The following ZFYVE28 variants were observed in gnomAD, a reference collection of about 807,000 sequenced individuals.
ZFYVE28 encodes zinc finger FYVE-type containing 28, also known as lateral signaling target protein 2 homolog.
Under a neutral mutation model 82.1 loss-of-function variants are expected in ZFYVE28, and 40 were observed. The ratio of observed to expected loss-of-function variants is 0.49; its 90% CI spans 0.38 to 0.63. ZFYVE28 has a LOEUF of 0.63. ZFYVE28 is among the 30% of genes least tolerant of loss of function. The probability of loss-of-function intolerance (pLI) is 0.00; values close to 1 mark genes in which losing one functional copy is unlikely to be tolerated. For synonymous variants in ZFYVE28, 612 were observed against 546.1 expected, an observed-to-expected ratio of 1.12 and a Z score of -1.68; for missense variants, 1,321 against 1,242.1, an observed-to-expected ratio of 1.06 and a Z score of -0.96.
chr4:2,363,584 C>T (rs1204278285), intron 1 of ZFYVE28, among the ~76,000 whole-genome samples: 4 of 152,140 alleles, frequency 2.6e-5, no homozygotes, highest in Admixed American at 6.5e-5. Flanking sequence ...GCAGCCTTCC[C>T]GACACTGGGG....
Position 2,418,115 on chromosome 4 carries a change from G to C in ZFYVE28, c.39+170C>G, listed in dbSNP as rs1481379948. On this transcript the variant is annotated intron_variant, in intron 1 of 12. Coordinates refer to ENST00000290974, the MANE Select transcript of ZFYVE28 (RefSeq NM_020972.3). The surrounding 1 kb of genome is among the most constrained non-coding windows in gnomAD (Gnocchi z 4.6). ...AGGTTCGGATCCGCCTCAGAGACAG[G>C]GCGATGAAGATCTGTCCAAGTCTTG... 6.6e-6 allele frequency among the ~76,000 whole-genome samples: 1 copy of C among 152,068 alleles called. No homozygotes were observed. The highest frequency in any genetic ancestry group is 1.5e-5 in the Non-Finnish European group (1 of 67,988).
intron 8 of ZFYVE28, among the ~76,000 whole-genome samples, chr4:2,303,064 A>T (rs1284383307): frequency 2.6e-5 from 4 of 152,192 alleles, no homozygotes; most frequent in African/African-American, 9.6e-5. Context: ...ATGGAAAGTG[A>T]CTGAGGCTCC....
chr4:2,317,375 G>A (rs916897672), intron 7 of ZFYVE28, among the ~76,000 whole-genome samples: 1 of 152,122 alleles, frequency 6.6e-6, no homozygotes, highest in Non-Finnish European at 1.5e-5. Context: ...CCACCAGAGG[G>A]GACTACCCCT....
In ZFYVE28 at chr4:2,333,581, C is replaced by T. The variant is rs545758592; in HGVS notation, c.701+2124G>A. Among the ~76,000 whole-genome samples, 3 of 152,166 alleles carry T rather than the reference C, an allele frequency of 2.0e-5. No individual in the cohort carries two copies. In the East Asian group the frequency reaches 5.8e-4, roughly 29 times the overall value. The stretch of plus-strand genomic sequence containing the variant: ...GGTCACCTGCACACTCCAGGCCCGA[C>T]CTTTAAGAGGAAGTCCAGCCAGGGC... On this transcript the variant is annotated intron_variant, in intron 6 of 12. Transcript: ENST00000290974.
chr4:2,384,308 T>C (rs969997755), intron 1 of ZFYVE28, among the ~76,000 whole-genome samples: 2 of 152,024 alleles, frequency 1.3e-5, no homozygotes, highest in Non-Finnish European at 1.5e-5. Context: ...TGTAGGAAAG[T>C]GTGAAAGCTT....
chr4:2,279,200 G>T (rs901642309), intron 8 of ZFYVE28, among the ~76,000 whole-genome samples: 1 of 152,234 alleles, frequency 6.6e-6, no homozygotes, highest in Non-Finnish European at 1.5e-5. Context: ...GGGAGGCCGA[G>T]GCGAGAGGAT....
At chr4:2,271,847 C>CAA in intron 10 of ZFYVE28, 68 bp from the exon 11 acceptor site, 1 of 1,422,202 alleles carries the variant, frequency 7.0e-7, no homozygotes, top group Non-Finnish European at 9.9e-7. Flanking sequence ...GTCACCTGCA[C>CAA]TTGCTGGGCA....
intron 1 of ZFYVE28, among the ~76,000 whole-genome samples, chr4:2,356,980 C>A (rs191071278): frequency 6.6e-6 from 1 of 152,284 alleles, no homozygotes; most frequent in Non-Finnish European, 1.5e-5. Flanking sequence ...GCAACCTCCA[C>A]CTCCCAGGCT....
chr4:2,350,555 T>C (rs1357900335), intron 2 of ZFYVE28, among the ~76,000 whole-genome samples: 1 of 152,154 alleles, frequency 6.6e-6, no homozygotes, highest in Non-Finnish European at 1.5e-5. Context: ...CTAAAAAGCC[T>C]TGGACTCTCC....
At chr4:2,317,956 C>A (rs1055761631) in intron 7 of ZFYVE28, among the ~76,000 whole-genome samples, 9 of 152,314 alleles carry the variant, frequency 5.9e-5, no homozygotes, top group African/African-American at 1.9e-4. Flanking sequence ...TGTTCCTAAG[C>A]ACCTGGAAAC....
rs1191152857 is a variant in ZFYVE28, at chr4:2,271,711, C to G, written c.2392G>C (p.Glu798Gln). The G allele has an allele frequency of 6.2e-7, 1 of 1,613,940 alleles. No individual in the cohort carries two copies. Among genetic ancestry groups the G allele is most frequent in the South Asian group, 1.1e-5 (1 of 91,084 alleles). Residue 798 changes from glutamate to glutamine, a missense_variant, in exon 11 of 13, where the codon GAA (glutamate) becomes CAA (glutamine). This residue lies in a region of ZFYVE28 where 978 missense variants were observed against 833.7 expected (regional missense o/e 1.17). Coordinates refer to ENST00000290974, the MANE Select transcript of ZFYVE28 (RefSeq NM_020972.3). ...CCATCGCGGGTCTTGGCTGCCAGTT[C>G]AGAGGATGACAGGGTCTCCTGGCAC... is the stretch of plus-strand genomic sequence containing the variant. ...ALCQETLSSS[E>Q]LAAKTRDGDF...
chr4:2,275,123 G>A (rs1432407094), intron 8 of ZFYVE28, among the ~76,000 whole-genome samples: 3 of 152,110 alleles, frequency 2.0e-5, no homozygotes, highest in East Asian at 1.9e-4. Context: ...CCTGGGCATC[G>A]GTTCTGACTT....
At chr4:2,404,783 C>T (rs1168597156) in intron 1 of ZFYVE28, among the ~76,000 whole-genome samples, 1 of 151,502 alleles carries the variant, frequency 6.6e-6, no homozygotes, top group Non-Finnish European at 1.5e-5. Context: ...ATTGCGAATA[C>T]AGGAAATATC....
intron 7 of ZFYVE28, among the ~76,000 whole-genome samples, chr4:2,319,347 G>A (rs747965272): frequency 3.9e-5 from 6 of 152,112 alleles, no homozygotes; most frequent in Non-Finnish European, 7.4e-5. Context: ...ACCCACTGAC[G>A]CCAAGGACCA....
chr4:2,399,082 GAAGGT>G (rs1730857884), intron 1 of ZFYVE28, among the ~76,000 whole-genome samples: 4 of 134,798 alleles, frequency 3.0e-5, no homozygotes, highest in East Asian at 4.3e-4. Flanking sequence ...GCACAAGCGT[GAAGGT>G]GAGATCCAGG....
chr4:2,396,028 T>G (rs1352943328), intron 1 of ZFYVE28, among the ~76,000 whole-genome samples: 1 of 151,854 alleles, frequency 6.6e-6, no homozygotes, highest in Non-Finnish European at 1.5e-5. Context: ...TAAATCAGGA[T>G]TTAAGGGGAG....
In ZFYVE28 at chr4:2,417,366, G is replaced by C. The variant is rs1403362872; in HGVS notation, c.39+919C>G. ...CGCCGAGCGCGCCCGGCCCTGCTCCGGCTGCAGCGGGCACGAGCCCCAGGC... is the reference window on the plus strand; with the variant it reads ...CGCCGAGCGCGCCCGGCCCTGCTCCCGCTGCAGCGGGCACGAGCCCCAGGC... On this transcript the variant is annotated intron_variant, in intron 1 of 12. Transcript: ENST00000290974. This position sits in a 1 kb window ranked among gnomAD's most constrained non-coding sequence, Gnocchi z 4.8. Among the ~76,000 whole-genome samples, 10 of 151,622 alleles carry C rather than the reference G, an allele frequency of 6.6e-5. No individual in the cohort carries two copies. The East Asian group carries it at 1.9e-3, about 29-fold the overall frequency.
chr4:2,418,407 C>T lies in ZFYVE28; in HGVS notation c.-84G>A, dbSNP rs932576255. ...GGGCCCGGCTGAGGCGCGGGGCGGA[C>T]GCGGAGGCACGGCCGGAGCCCCCGC... On this transcript the variant is annotated 5_prime_UTR_variant, in exon 1 of 13. Transcript: ENST00000290974. This position sits in a 1 kb window ranked among gnomAD's most constrained non-coding sequence, Gnocchi z 4.6. 78 of 1,075,814 alleles carry T rather than the reference C, an allele frequency of 7.3e-5. No individual in the cohort carries two copies. Among genetic ancestry groups the T allele is most frequent in the Non-Finnish European group, 8.6e-5 (75 of 873,158 alleles). The allele number at this position is 1,075,814 out of a possible 1,614,324, so 66.6% of individuals were successfully genotyped here.
chr4:2,353,775 G>C (rs779796984), intron 2 of ZFYVE28, among the ~76,000 whole-genome samples, 158 bp downstream of exon 2: 5 of 152,180 alleles, frequency 3.3e-5, no homozygotes, highest in African/African-American at 9.7e-5. Flanking sequence ...CATCCTGCCC[G>C]GGATGGTCCC....
Sources: allele counts gnomAD v4.1 joint callset (sites outside exome capture counted in the v4.1 genomes callset), GRCh38; gene constraint gnomAD v4.1.1; regional missense constraint gnomAD v4.1.1; non-coding constraint Gnocchi (gnomAD v3.1); transcripts MANE v1.5; gene names NCBI Gene and HGNC (gene_info 2026-07-23, HGNC 2026-07-21).